Variants in NBPF8 observed in about 807,000 individuals in gnomAD.
NBPF8 encodes the protein NBPF member 8.
intron 1 of NBPF8, among the ~76,000 whole-genome samples, chr1:120,425,690 GC>G (rs1427127329): frequency 6.6e-6 from 1 of 150,914 alleles, no homozygotes; most frequent in Non-Finnish European, 1.5e-5. Context: ...AATGAGAAAC[GC>G]CCACAGGTGT....
intron 11 of NBPF8, among the ~76,000 whole-genome samples, chr1:120,450,432 T>C (rs1430432056): frequency 1.3e-5 from 2 of 152,042 alleles, no homozygotes; most frequent in East Asian, 3.9e-4. Flanking sequence ...TTGCTTGTCT[T>C]GTCTGTCCCT....
At chr1:120,452,681 A>T (rs1661315402) in intron 13 of NBPF8, among the ~76,000 whole-genome samples, 3 of 152,268 alleles carry the variant, frequency 2.0e-5, no homozygotes, top group Admixed American at 2.0e-4. Context: ...CTTTTCGGCA[A>T]TGTTCTTAGT....
exon 23 of NBPF8, chr1:120,464,393 T>G: frequency 1.3e-6 from 1 of 764,380 alleles, no homozygotes; most frequent in South Asian, 1.4e-5. Context: ...AGGGAGCTGC[T>G]GGAGGTAGTA....
chr1:120,434,202 C>T (rs1660998381), upstream of NBPF8: 2 of 149,726 alleles, frequency 1.3e-5, no homozygotes, highest in Non-Finnish European at 1.5e-5. Flanking sequence ...CAGTAGCCCT[C>T]GCTCCGCCAC....
rs1343199090 is a variant in NBPF8 at position 120,450,742 on chromosome 1, A to C, written n.1972-438A>C. Among the ~76,000 whole-genome samples, 178 of 152,180 alleles carry C rather than the reference A, an allele frequency of 1.2e-3. 3 individuals are homozygous for C. Among genetic ancestry groups the C allele is most frequent in the Non-Finnish European group, 3.7e-4 (25 of 68,032 alleles). ...CAAAGATTTTAAAAATCTTTCGCATACTTGTCCTTGAAATTCCCAGTGAAA... is the reference window on the plus strand; with the variant it reads ...CAAAGATTTTAAAAATCTTTCGCATCCTTGTCCTTGAAATTCCCAGTGAAA... On this transcript the variant is annotated intron_variant and non_coding_transcript_variant, in intron 11 of 24. Coordinates refer to ENST00000583271, the Ensembl canonical transcript of NBPF8.
upstream of NBPF8, among the ~76,000 whole-genome samples, chr1:120,419,519 T>C (rs1350296379): frequency 1.2e-4 from 18 of 152,128 alleles, no homozygotes; most frequent in Non-Finnish European, 2.6e-4. Context: ...TGGAGTTCAG[T>C]GGTGCCATCA....
At chr1:120,468,067 GAC>G (rs1661793574), downstream of NBPF8, among the ~76,000 whole-genome samples, 1 of 151,270 alleles carries the variant, frequency 6.6e-6, no homozygotes, top group Non-Finnish European at 1.5e-5. Context: ...CTTTGAACTA[GAC>G]ACACTTCTAA....
intron 24 of NBPF8, among the ~76,000 whole-genome samples, chr1:120,465,724 T>C (rs1345391666): frequency 5.3e-4 from 79 of 150,276 alleles, no homozygotes; most frequent in African/African-American, 1.8e-3. Flanking sequence ...CCCTTACCAG[T>C]ATGTCAACTG....
At chr1:120,464,345 G>A in intron 22 of NBPF8, 31 bp from the exon 21 acceptor site, 2 of 781,372 alleles carry the variant, frequency 2.6e-6, no homozygotes, top group Non-Finnish European at 2.3e-6. Flanking sequence ...ATTTCCCCTG[G>A]CGTATTCTTT....
intron 11 of NBPF8, among the ~76,000 whole-genome samples, chr1:120,450,058 C>A (rs1327960177): frequency 3.1e-4 from 47 of 151,986 alleles, no homozygotes; most frequent in Non-Finnish European, 5.6e-4. Context: ...GAAACCCCAT[C>A]TTCACTAAAA....
chr1:120,431,714 A>G (rs1252964244), upstream of NBPF8, among the ~76,000 whole-genome samples: 1 of 151,646 alleles, frequency 6.6e-6, no homozygotes, highest in East Asian at 2.0e-4. Context: ...AAAATCTAAC[A>G]GTTTCTTAAA....
upstream of NBPF8, among the ~76,000 whole-genome samples, chr1:120,416,182 A>C (rs1279382185): frequency 6.7e-6 from 1 of 150,276 alleles, no homozygotes; most frequent in Non-Finnish European, 1.5e-5. Context: ...TTTTATTAGT[A>C]AAATTTCACC....
chr1:120,466,204 G>A lies in NBPF8; in HGVS notation n.3795G>A. 7.5e-6 allele frequency: 12 copies of A among 1,608,982 alleles called. No individual in the cohort carries two copies. The South Asian group carries it at 1.3e-4, about 18-fold the overall frequency. On this transcript the variant is annotated non_coding_transcript_exon_variant, in exon 25 of 25. Transcript: ENST00000583271. Reference sequence around the variant, plus strand: ...TCTCTATCTGGTCTTCCAGATGGGAGTCATATTCCCACAATAAGCAGCCCT... The same window carrying A: ...TCTCTATCTGGTCTTCCAGATGGGAATCATATTCCCACAATAAGCAGCCCT...
At chr1:120,422,204 A>T (rs1459509759) in intron 1 of NBPF8, among the ~76,000 whole-genome samples, 10 of 152,304 alleles carry the variant, frequency 6.6e-5, no homozygotes, top group Middle Eastern at 3.4e-3. Context: ...AGTGTGGTCC[A>T]TTCATTACAA....
chr1:120,428,622 A>G (rs71248441), intron 3 of NBPF8, among the ~76,000 whole-genome samples: 7 of 152,224 alleles, frequency 4.6e-5, no homozygotes, highest in Non-Finnish European at 7.3e-5. Context: ...CTTGTGGGCT[A>G]TGTCTGGACA....
intron 19 of NBPF8, 50 bp from the exon 18 acceptor site, chr1:120,462,096 G>A: frequency 3.3e-6 from 1 of 302,724 alleles, no homozygotes; most frequent in Non-Finnish European, 5.8e-6. Flanking sequence ...ATTGTTATGT[G>A]TGTAGGAGAA....
chr1:120,466,242 A>T (rs1661746536), exon 25 of NBPF8: 1 of 1,606,674 alleles, frequency 6.2e-7, no homozygotes. Flanking sequence ...CTAAGCCGAG[A>T]GGTGTCATTC....
chr1:120,423,312 T>G (rs2101481694), intron 1 of NBPF8, among the ~76,000 whole-genome samples: 1 of 108,150 alleles, frequency 9.2e-6, no homozygotes, highest in East Asian at 2.0e-4. Flanking sequence ...CATGCATACC[T>G]GGATTTATTT....
intron 3 of NBPF8, among the ~76,000 whole-genome samples, chr1:120,431,107 A>G (rs1660861481): frequency 6.7e-6 from 1 of 148,652 alleles, no homozygotes; most frequent in Non-Finnish European, 1.5e-5. Flanking sequence ...TACAGCTATG[A>G]AAATCAAGAT....
Sources: allele counts gnomAD v4.1 joint callset (sites outside exome capture counted in the v4.1 genomes callset), GRCh38; gene constraint gnomAD v4.1.1; transcripts MANE v1.5; gene names NCBI Gene and HGNC (gene_info 2026-07-23, HGNC 2026-07-21).